Variants in PLD3 observed in about 807,000 individuals in gnomAD.
PLD3 encodes the protein phospholipase D family member 3.
In PLD3, 31 loss-of-function variants were observed where a neutral mutation model predicts 58.4. The observed-to-expected ratio is 0.53, with a 90% CI of 0.40 to 0.72. PLD3 has a LOEUF of 0.72. Ranked by LOEUF, PLD3 falls within the 30% of genes least tolerant of loss-of-function variation. PLD3 has a pLI of 0.00. For synonymous variants in PLD3, 264 were observed against 273.4 expected (o/e 0.97, Z 0.34); for missense variants, 595 against 659.8 (o/e 0.90, Z 1.08).
chr19:40,356,583 T>C (rs1600268233), intron 1 of PLD3: 1 of 152,978 alleles, frequency 6.5e-6, no homozygotes, highest in Non-Finnish European at 1.5e-5. Context: ...GGCTGAGACC[T>C]GAAGGATGGG....
chr19:40,361,481 C>T (rs1405023375), intron 1 of PLD3, among the ~76,000 whole-genome samples: 2 of 152,144 alleles, frequency 1.3e-5, no homozygotes, highest in African/African-American at 4.8e-5. Flanking sequence ...CCACACGTGA[C>T]CCTGTTCTAC....
chr19:40,376,712 C>G lies in PLD3; in HGVS notation c.1123C>G (p.Arg375Gly), dbSNP rs752779193. The change falls in exon 11 of 13, where the codon CGG (arginine) becomes GGG (glycine). Residue 375 changes from arginine to glycine, a missense_variant. Physicochemically the swap from Arg to Gly is moderately radical, Grantham distance 125. Transcript: ENST00000409735. ...CTGGGGACACTCGGAGCCATCCATG[C>G]GGGCCTTCCTGCTCTCTCTGGCTGC... is the stretch of plus-strand genomic sequence containing the variant. ...SCWGHSEPSM[R>G]AFLLSLAALR... 1 of 1,603,264 alleles carries G rather than the reference C, an allele frequency of 6.2e-7. No individual in the cohort carries two copies. Among genetic ancestry groups the G allele is most frequent in the Non-Finnish European group, 8.5e-7 (1 of 1,179,958 alleles).
intron 1 of PLD3, among the ~76,000 whole-genome samples, chr19:40,351,684 G>A (rs2078519241): frequency 6.6e-6 from 1 of 152,348 alleles, no homozygotes; most frequent in East Asian, 1.9e-4. Context: ...CAGTGAGAGA[G>A]GAGAGGGGCA....
At position 40,378,010 on chromosome 19, in the gene PLD3, ACTT is replaced by A. The variant is rs2079285310; in HGVS notation, c.1312_1314del (p.Phe438del). 1.2e-6 allele frequency: 2 copies of A among 1,613,176 alleles called. No homozygotes were observed. The highest frequency in any genetic ancestry group is 1.7e-6 in the Non-Finnish European group (2 of 1,179,606). On this transcript the variant is annotated inframe_deletion, in exon 13 of 13. Coordinates refer to ENST00000409735, the MANE Select transcript of PLD3 (RefSeq NM_012268.4). ...GGAACCTCCAACTGGTCTGGCAACT[ACTT>A]CACGGAGACGGCGGGCACCTCGCTG... is the stretch of plus-strand genomic sequence containing the variant.
intron 1 of PLD3, chr19:40,358,918 T>TG (rs1376453020): frequency 2.6e-5 from 4 of 152,114 alleles, no homozygotes; most frequent in Non-Finnish European, 5.9e-5. Context: ...TCCTCCTTTT[T>TG]GCGGGCTATG....
At position 40,371,762 on chromosome 19, in the gene PLD3, G is replaced by A; in HGVS notation, c.768G>A (p.Gln256=). ...KIFEAYWFLG[Q]AGSSIPSTWP... ...TTGAGGCCTACTGGTTCCTGGGCCA[G>A]GCAGGCAGCTCCATCCCATCAACTT... Residue 256 remains glutamine (Q), a synonymous_variant, in exon 9 of 13, where the codon CAG becomes CAA. Transcript: ENST00000409735. The A allele has an allele frequency of 6.2e-7, 1 of 1,613,994 alleles. No individual in the cohort carries two copies. The highest frequency in any genetic ancestry group is 8.5e-7 in the Non-Finnish European group (1 of 1,179,930).
At chr19:40,361,593 C>T (rs1052123914) in intron 1 of PLD3, among the ~76,000 whole-genome samples, 2 of 152,094 alleles carry the variant, frequency 1.3e-5, no homozygotes, top group Admixed American at 1.3e-4. Flanking sequence ...ACACTGGCAT[C>T]CTCACTCTTC....
Position 40,370,009 on chromosome 19 carries a change from G to A in PLD3, c.531G>A (p.Leu177=), listed in dbSNP as rs565771988. 1 of 1,560,992 alleles carries A rather than the reference G, an allele frequency of 6.4e-7. No individual in the cohort carries two copies. Among genetic ancestry groups the A allele is most frequent in the Non-Finnish European group, 8.7e-7 (1 of 1,153,524 alleles). ...GCGGGCCCCAGCCACAGGCGGACCT[G>A]CAGGCTCTGCTGCAGAGCGGTGAGC... ...KPSGPQPQAD[L]QALLQSGAQV... is the part of the protein sequence containing the mutation. Residue 177 remains leucine (L), a synonymous_variant, in exon 7 of 13, where the codon CTG becomes CTA. Coordinates refer to ENST00000409735, the MANE Select transcript of PLD3 (RefSeq NM_012268.4).
At chr19:40,376,935 G>A (rs926528567) in intron 11 of PLD3, among the ~76,000 whole-genome samples, 161 bp downstream of exon 11, 24 of 151,996 alleles carry the variant, frequency 1.6e-4, no homozygotes, top group Admixed American at 1.0e-3. Context: ...CACAGGGAGA[G>A]GGGCCAGGAC....
intron 9 of PLD3, among the ~76,000 whole-genome samples, 190 bp downstream of exon 9, chr19:40,372,063 TG>T (rs763163545): frequency 5.9e-5 from 9 of 152,112 alleles, no homozygotes; most frequent in Non-Finnish European, 8.8e-5. Context: ...AGTTAGAAAA[TG>T]GGTATTGTTT....
chr19:40,369,599 C>A (rs1034333274), intron 6 of PLD3, among the ~76,000 whole-genome samples: 2 of 152,170 alleles, frequency 1.3e-5, no homozygotes, highest in African/African-American at 4.8e-5. Flanking sequence ...GCCTCGCCCC[C>A]ACCATACTGG....
chr19:40,369,917 G>C lies in PLD3; in HGVS notation c.439G>C (p.Val147Leu). The part of the protein sequence containing the change: ...QEPSAQQGEE[V>L]LRQLQTLAPK... The stretch of plus-strand genomic sequence containing the variant: ...TCTCCCCTCCCCGCAGGGTGAGGAG[G>C]TCCTCCGGCAGCTGCAGACCCTGGC... Residue 147 changes from valine to leucine, a missense_variant, in exon 7 of 13, where the codon GTC becomes CTC. By Grantham distance (32) the Val-to-Leu change is conservative. Transcript: ENST00000409735. The C allele has an allele frequency of 6.4e-7, 1 of 1,558,152 alleles. No individual in the cohort carries two copies. Among genetic ancestry groups the C allele is most frequent in the East Asian group, 2.4e-5 (1 of 41,764 alleles).
intron 1 of PLD3, among the ~76,000 whole-genome samples, chr19:40,353,508 A>G (rs2145659388): frequency 6.6e-6 from 1 of 152,276 alleles, no homozygotes; most frequent in South Asian, 2.1e-4. Context: ...CTGCCACCTC[A>G]TCTGAAAAAC....
At position 40,367,978 on chromosome 19, in the gene PLD3, A is replaced by G. The variant is rs1203859817; in HGVS notation, c.429+99A>G. 9 of 1,034,884 alleles carry G rather than the reference A, an allele frequency of 8.7e-6. No homozygotes were observed. The Admixed American group carries it at 9.7e-5, about 11-fold the overall frequency. The allele number at this position is 1,034,884 out of a possible 1,614,324, so 64.1% of individuals were successfully genotyped here. A position where few individuals can be genotyped will look rare whatever the true frequency, so the allele number is the denominator to read the frequency against. On this transcript the variant is annotated intron_variant, in intron 6 of 12. Coordinates refer to ENST00000409735, the MANE Select transcript of PLD3 (RefSeq NM_012268.4). ...GGGTTTCTCCTGCAGCCCAGGAGAC[A>G]GAGGGGTGTGTCTCACACAGCAGAT... is the stretch of plus-strand genomic sequence containing the variant.
intron 1 of PLD3, chr19:40,357,008 G>C (rs2078671038): frequency 6.6e-6 from 1 of 152,090 alleles, no homozygotes; most frequent in Non-Finnish European, 1.5e-5. Context: ...TCTCTCCCTA[G>C]GAGGGGCACT....
intron 11 of PLD3, 103 bp from the exon 12 acceptor site, chr19:40,377,683 G>A (rs2079269099): frequency 3.8e-6 from 3 of 799,040 alleles, no homozygotes; most frequent in East Asian, 5.3e-5. Context: ...GTGGGAAGCA[G>A]TGGAGTCCCA....
intron 1 of PLD3, chr19:40,357,357 C>T (rs927471291): frequency 6.6e-6 from 1 of 152,280 alleles, no homozygotes; most frequent in African/African-American, 2.4e-5. Flanking sequence ...TACCAAAGTG[C>T]TGGAATTACA....
At chr19:40,361,034 C>T (rs533074881) in intron 1 of PLD3, among the ~76,000 whole-genome samples, 2 of 152,318 alleles carry the variant, frequency 1.3e-5, no homozygotes, top group African/African-American at 4.8e-5. Flanking sequence ...GAAATCCCCG[C>T]ACTGTGCGAG....
chr19:40,375,687 T>C (rs1464555456), intron 10 of PLD3, among the ~76,000 whole-genome samples: 5 of 145,344 alleles, frequency 3.4e-5, no homozygotes, highest in Non-Finnish European at 7.5e-5. Context: ...AAAAGAAGGA[T>C]AACAACCATA....
Sources: gnomAD v4.1 joint callset for allele counts (sites outside exome capture counted in the v4.1 genomes callset) on GRCh38, gnomAD v4.1.1 for gene constraint, MANE v1.5 for transcripts, NCBI Gene and HGNC (gene_info 2026-07-23, HGNC 2026-07-21) for gene names.